The following FAM193A variants were observed in gnomAD, a reference collection of about 807,000 sequenced individuals.
FAM193A encodes the protein protein FAM193A.
In FAM193A, 22 loss-of-function variants were observed where a neutral mutation model predicts 126.5. The ratio of observed to expected loss-of-function variants is 0.17; its 90% confidence interval spans 0.12 to 0.25. FAM193A has a LOEUF of 0.25. Ranked by LOEUF, FAM193A falls within the 10% of genes least tolerant of loss-of-function variation. The pLI, the probability that FAM193A is intolerant of heterozygous loss-of-function variation, is 1.00. For synonymous variants in FAM193A, 761 were observed against 646.8 expected (o/e 1.18, Z -2.68); for missense variants, 1,675 against 1,672.8 (o/e 1.00, Z -0.02).
At chr4:2,683,331 G>T (rs1308244419) in intron 13 of FAM193A, among the ~76,000 whole-genome samples, 1 of 150,690 alleles carries the variant, frequency 6.6e-6, no homozygotes, top group Non-Finnish European at 1.5e-5. Flanking sequence ...GTCTTGCTCA[G>T]CCGCCCAGGC....
At chr4:2,653,253 A>G (rs144652897) in intron 7 of FAM193A, among the ~76,000 whole-genome samples, 2 of 152,324 alleles carry the variant, frequency 1.3e-5, no homozygotes, top group East Asian at 3.9e-4. Context: ...TTGAAATATT[A>G]TATATGGTAT....
At chr4:2,664,513 T>G (rs1299579014) in intron 12 of FAM193A, among the ~76,000 whole-genome samples, 1 of 151,384 alleles carries the variant, frequency 6.6e-6, no homozygotes, top group Non-Finnish European at 1.5e-5. Flanking sequence ...TGGGATAGGG[T>G]CTTCCCTCCA....
At position 2,569,728 on chromosome 4, in the gene FAM193A, C is replaced by T. The variant is rs1739182588; in HGVS notation, c.256-26356C>T. Among the ~76,000 whole-genome samples, 3 of 152,210 alleles carry T rather than the reference C, an allele frequency of 2.0e-5. No individual in the cohort carries two copies. In the South Asian group the frequency reaches 6.2e-4, roughly 32 times the overall value. On this transcript the variant is annotated intron_variant, in intron 1 of 20. Coordinates refer to ENST00000637812, the MANE Select transcript of FAM193A (RefSeq NM_001366318.2). ...CTGTGTTGCCCAGGCTGGTCTTGAACTCCTGGGCTCAAGTGATCCTCCTGC... is the reference window on the plus strand; with the variant it reads ...CTGTGTTGCCCAGGCTGGTCTTGAATTCCTGGGCTCAAGTGATCCTCCTGC...
chr4:2,552,264 G>T (rs1278088734), intron 1 of FAM193A, among the ~76,000 whole-genome samples: 2 of 151,958 alleles, frequency 1.3e-5, no homozygotes, highest in Non-Finnish European at 2.9e-5. Flanking sequence ...GCCCGCCTCG[G>T]CCTCCCAAAG....
chr4:2,641,680 C>G (rs1245430876), intron 6 of FAM193A, among the ~76,000 whole-genome samples: 1 of 152,070 alleles, frequency 6.6e-6, no homozygotes, highest in Non-Finnish European at 1.5e-5. Flanking sequence ...AACAAACAAA[C>G]AAAAAGAATA....
intron 17 of FAM193A, among the ~76,000 whole-genome samples, chr4:2,695,537 A>G (rs191216519): frequency 9.8e-4 from 150 of 152,326 alleles, no homozygotes; most frequent in Non-Finnish European, 1.6e-3. Context: ...TAATTTATAC[A>G]ACCAATTATC....
intron 1 of FAM193A, among the ~76,000 whole-genome samples, chr4:2,562,421 G>A (rs975551140): frequency 8.5e-5 from 13 of 152,136 alleles, no homozygotes; most frequent in African/African-American, 3.1e-4. Context: ...CTGCACTACA[G>A]CATGGTGGCA....
chr4:2,538,576 A>C (rs189603488), intron 1 of FAM193A, among the ~76,000 whole-genome samples: 1 of 149,046 alleles, frequency 6.7e-6, no homozygotes, highest in Admixed American at 7.0e-5. Context: ...CTCATCCAGT[A>C]TCCTGGAGAT....
At chr4:2,701,300 A>C (rs1251888771) in intron 19 of FAM193A, among the ~76,000 whole-genome samples, 1 of 151,286 alleles carries the variant, frequency 6.6e-6, no homozygotes, top group African/African-American at 2.4e-5. Context: ...AAAAAAAAAA[A>C]AGCTCTTGTT....
intron 4 of FAM193A, among the ~76,000 whole-genome samples, chr4:2,627,619 C>T (rs1435343965): frequency 6.8e-6 from 1 of 146,614 alleles, no homozygotes; most frequent in Admixed American, 6.8e-5. Flanking sequence ...ACTCTGTCGC[C>T]CAGGCTGATG....
intron 2 of FAM193A, among the ~76,000 whole-genome samples, chr4:2,611,515 C>G (rs1199417980): frequency 6.6e-6 from 1 of 152,056 alleles, no homozygotes; most frequent in Non-Finnish European, 1.5e-5. Context: ...CTCAGGTGAT[C>G]CACCCGCCTC....
intron 16 of FAM193A, 97 bp downstream of exon 16, chr4:2,693,971 T>C (rs1716735203): frequency 1.5e-6 from 2 of 1,298,374 alleles, no homozygotes; most frequent in Non-Finnish European, 2.2e-6. Context: ...GACCATGCAG[T>C]GGAAAAGTCT....
intron 18 of FAM193A, among the ~76,000 whole-genome samples, chr4:2,697,820 T>C (rs939123796): frequency 6.6e-6 from 1 of 152,204 alleles, no homozygotes; most frequent in Non-Finnish European, 1.5e-5. Flanking sequence ...GAACACAGTG[T>C]GTCCTCCATT....
At chr4:2,711,103 T>C (rs1010835982) in intron 19 of FAM193A, among the ~76,000 whole-genome samples, 108 of 151,378 alleles carry the variant, frequency 7.1e-4, no homozygotes, top group Non-Finnish European at 1.4e-3. Context: ...CCACCCACCT[T>C]GGCCTCCCAA....
chr4:2,596,120 C>T lies in FAM193A; in HGVS notation c.292C>T (p.Pro98Ser), dbSNP rs1740846089. The part of the protein sequence containing the change: ...FSFGMNHRTP[P>S]YPAGDYCLLC... ...TTTTGGCATGAATCATAGGACACCA[C>T]CCTACCCTGCTGGGGATTATTGTCT... is the stretch of plus-strand genomic sequence containing the variant. The change falls in exon 2 of 21, where the codon CCC becomes TCC. Residue 98 changes from proline to serine, a missense_variant. Physicochemically the swap from Pro to Ser is moderately conservative, Grantham distance 74. Coordinates refer to ENST00000637812, the MANE Select transcript of FAM193A (RefSeq NM_001366318.2). The T allele has an allele frequency of 1.4e-6, 1 of 702,786 alleles. No homozygotes were observed. Among genetic ancestry groups the T allele is most frequent in the Non-Finnish European group, 2.6e-6 (1 of 385,008 alleles). 43.5% of individuals were successfully genotyped at this position (702,786 alleles called of 1,614,324 possible).
chr4:2,573,519 A>G (rs1410902435), intron 1 of FAM193A, among the ~76,000 whole-genome samples: 1 of 151,908 alleles, frequency 6.6e-6, no homozygotes, highest in African/African-American at 2.4e-5. Context: ...TCTTCAAAAA[A>G]AAAAAAAAAA....
rs537023086 is a variant in FAM193A at position 2,563,057 on chromosome 4, GC to G, written c.255+25889del. Among the ~76,000 whole-genome samples the G allele has an allele frequency of 5.8e-3, 877 of 151,932 alleles. 5 individuals are homozygous for G. Among genetic ancestry groups the G allele is most frequent in the African/African-American group, 0.02 (825 of 41,424 alleles). On this transcript the variant is annotated intron_variant, in intron 1 of 20. Coordinates refer to ENST00000637812, the MANE Select transcript of FAM193A (RefSeq NM_001366318.2). ...CCTCCCAGATTCAAGCGATTATCTT[GC>G]CTCAGCCTCCCAAGTAACTGGGATT...
chr4:2,672,252 C>T lies in FAM193A; in HGVS notation c.2211C>T (p.His737=). 1.9e-6 allele frequency: 3 copies of T among 1,614,238 alleles called. No individual in the cohort carries two copies. Among genetic ancestry groups the T allele is most frequent in the Non-Finnish European group, 2.5e-6 (3 of 1,180,050 alleles). The change falls in exon 13 of 21, where the codon CAC becomes CAT. Residue 737 remains histidine, a synonymous_variant. Transcript: ENST00000637812. ...TCTTGAGCCCAGAGAAGCCCACACACCCTGCACTGCACCTTTACCCTCACA... is the reference window on the plus strand; with the variant it reads ...TCTTGAGCCCAGAGAAGCCCACACATCCTGCACTGCACCTTTACCCTCACA... ...HQFLSPEKPT[H]PALHLYPHIH...
At chr4:2,651,509 G>A (rs1577139715) in intron 7 of FAM193A, among the ~76,000 whole-genome samples, 1 of 152,190 alleles carries the variant, frequency 6.6e-6, no homozygotes, top group Non-Finnish European at 1.5e-5. Context: ...GAGAGCAAGA[G>A]GGGAAATGCC....
Sources: gnomAD v4.1 joint callset for allele counts (sites outside exome capture counted in the v4.1 genomes callset) on GRCh38, gnomAD v4.1.1 for gene constraint, MANE v1.5 for transcripts, NCBI Gene and HGNC (gene_info 2026-07-23, HGNC 2026-07-21) for gene names.